ADAMTS3: variants seen among roughly 807,000 people sequenced by gnomAD.
The protein encoded by ADAMTS3 is A disintegrin and metalloproteinase with thrombospondin motifs 3.
In ADAMTS3, 73 loss-of-function variants were observed where a neutral mutation model predicts 129.0. The ratio of observed to expected loss-of-function variants is 0.57; its 90% CI spans 0.47 to 0.69. The LOEUF (loss-of-function observed/expected upper bound fraction) is 0.69, where lower values mean the gene tolerates loss of function less well. Among genes scored for constraint, ADAMTS3 ranks in the 30% least tolerant of loss-of-function variants. ADAMTS3 has a pLI of 0.00. For synonymous variants in ADAMTS3, 477 were observed against 510.8 expected (o/e 0.93, Z 0.89); for missense variants, 1,457 against 1,514.5 (o/e 0.96, Z 0.63).
At chr4:72,470,443 A>G in intron 3 of ADAMTS3, among the ~76,000 whole-genome samples, 1 of 150,572 alleles carries the variant, frequency 6.6e-6, no homozygotes, top group East Asian at 1.9e-4. Flanking sequence ...CATGTATAAT[A>G]TATATACACT....
Position 72,443,712 on chromosome 4 carries a change from A to T in ADAMTS3, c.505-28741T>A, listed in dbSNP as rs138967833. On this transcript the variant is annotated intron_variant, in intron 3 of 21. Coordinates refer to ENST00000286657, the MANE Select transcript of ADAMTS3 (RefSeq NM_014243.3). ...CGAATGGAAAAAAAAAAAATGGTACAAGAAACCTCATTTGCATTCCCATTT... is the reference window on the plus strand; with the variant it reads ...CGAATGGAAAAAAAAAAAATGGTACTAGAAACCTCATTTGCATTCCCATTT... Among the ~76,000 whole-genome samples, 9 of 151,528 alleles carry T rather than the reference A, an allele frequency of 5.9e-5. No individual in the cohort carries two copies. In the Middle Eastern group the frequency reaches 0.014, roughly 231 times the overall value.
chr4:72,418,880 C>A (rs1722375118), intron 3 of ADAMTS3, among the ~76,000 whole-genome samples: 1 of 152,180 alleles, frequency 6.6e-6, no homozygotes, highest in Admixed American at 6.5e-5. Context: ...CTCAAGTTTG[C>A]CATTCTCAGT....
chr4:72,528,492 ATTG>A (rs1720872711), intron 3 of ADAMTS3, among the ~76,000 whole-genome samples: 1 of 150,362 alleles, frequency 6.7e-6, no homozygotes. Flanking sequence ...AATATATGCA[ATTG>A]TTGTTTGTCA....
intron 2 of ADAMTS3, among the ~76,000 whole-genome samples, chr4:72,562,637 A>G (rs1262561188): frequency 6.6e-6 from 1 of 152,198 alleles, no homozygotes; most frequent in Non-Finnish European, 1.5e-5. Context: ...AACATGCTAA[A>G]TTATAACAGC....
chr4:72,329,168 C>G (rs1376171599), intron 5 of ADAMTS3, among the ~76,000 whole-genome samples: 1 of 151,872 alleles, frequency 6.6e-6, no homozygotes, highest in Non-Finnish European at 1.5e-5. Context: ...TTGGGCAAAA[C>G]AGCCTATAAG....
chr4:72,366,593 G>A (rs1720874733), intron 4 of ADAMTS3, among the ~76,000 whole-genome samples: 1 of 151,938 alleles, frequency 6.6e-6, no homozygotes, highest in African/African-American at 2.4e-5. Flanking sequence ...ATTATTATAT[G>A]CCATATCTAA....
chr4:72,348,735 C>T (rs1023364067), intron 4 of ADAMTS3, among the ~76,000 whole-genome samples: 1 of 151,456 alleles, frequency 6.6e-6, no homozygotes, highest in Non-Finnish European at 1.5e-5. Context: ...GTTTGATGTA[C>T]CATTGCTGGC....
At chr4:72,554,066 C>G (rs1261129759) in intron 2 of ADAMTS3, among the ~76,000 whole-genome samples, 6 of 152,122 alleles carry the variant, frequency 3.9e-5, no homozygotes, top group African/African-American at 1.4e-4. Context: ...AGGGAATTCT[C>G]TTTTATCTAA....
intron 4 of ADAMTS3, among the ~76,000 whole-genome samples, chr4:72,379,202 G>A (rs953738801): frequency 3.8e-4 from 58 of 152,032 alleles, no homozygotes; most frequent in African/African-American, 1.2e-3. Context: ...TATTCAGGGC[G>A]TGTACACCTA....
In ADAMTS3 at chr4:72,313,790, A is replaced by G. The variant is rs1719312297; in HGVS notation, c.1632T>C (p.Asn544=). 1 of 1,613,720 alleles carries G rather than the reference A, an allele frequency of 6.2e-7. No homozygotes were observed. The highest frequency in any genetic ancestry group is 8.5e-7 in the Non-Finnish European group (1 of 1,179,840). The part of the protein sequence containing the change: ...WCYKGHCMWK[N]ANQQKQDGNW... The stretch of plus-strand genomic sequence containing the variant: ...TGCCATCTTGTTTTTGCTGATTAGC[A>G]TTCTTCCACATGCAATGACCCTTAT... Residue 544 remains asparagine (N), a synonymous_variant, in exon 12 of 22, where the codon AAT becomes AAC. Transcript: ENST00000286657.
chr4:72,538,854 A>G lies in ADAMTS3; in HGVS notation c.504+9624T>C, dbSNP rs76434764. Reference sequence around the variant, plus strand: ...GAATAGAATAGAAAGTCCAGAAATAAATTGTTGCATATATGGTCAAATGAT... The same window carrying G: ...GAATAGAATAGAAAGTCCAGAAATAGATTGTTGCATATATGGTCAAATGAT... On this transcript the variant is annotated intron_variant, in intron 3 of 21. Transcript: ENST00000286657. Among the ~76,000 whole-genome samples the G allele has an allele frequency of 4.0e-3, 613 of 152,254 alleles. 8 individuals carry two copies. Among genetic ancestry groups the G allele is most frequent in the African/African-American group, 0.014 (594 of 41,556 alleles).
At chr4:72,358,293 T>C (rs1034614389) in intron 4 of ADAMTS3, among the ~76,000 whole-genome samples, 7 of 151,956 alleles carry the variant, frequency 4.6e-5, no homozygotes, top group Non-Finnish European at 8.8e-5. Flanking sequence ...ATTCCAGCTA[T>C]CCTTAAGAGA....
chr4:72,524,487 T>C (rs755387461), intron 3 of ADAMTS3, among the ~76,000 whole-genome samples: 197 of 152,250 alleles, frequency 1.3e-3, no homozygotes, highest in Middle Eastern at 3.4e-3. Flanking sequence ...CTAGGCACTA[T>C]ACTAAGTGTT....
intron 17 of ADAMTS3, 75 bp from the exon 18 acceptor site, chr4:72,298,517 A>T: frequency 2.6e-6 from 3 of 1,160,956 alleles, no homozygotes; most frequent in Non-Finnish European, 3.6e-6. Flanking sequence ...CAAATATTTC[A>T]GAATATTGCT....
chr4:72,538,476 A>G (rs1054062968), intron 3 of ADAMTS3, among the ~76,000 whole-genome samples: 2 of 152,036 alleles, frequency 1.3e-5, no homozygotes, highest in African/African-American at 4.8e-5. Flanking sequence ...GAGGCAGTGG[A>G]CTGATATATT....
chr4:72,568,981 C>G lies in ADAMTS3; in HGVS notation c.-219G>C, dbSNP rs748565909. ...AGTTTTTTCCACTTCACCTTCTCAC[C>G]CCGTCCTCCCAACACAGAGTGTGCA... On this transcript the variant is annotated 5_prime_UTR_variant, in exon 1 of 22. Coordinates refer to ENST00000286657, the MANE Select transcript of ADAMTS3 (RefSeq NM_014243.3). 2 of 600,506 alleles carry G rather than the reference C, an allele frequency of 3.3e-6. No individual in the cohort carries two copies. Among genetic ancestry groups the G allele is most frequent in the Non-Finnish European group, 5.9e-6 (2 of 336,420 alleles). The allele number at this position is 600,506 out of a possible 1,614,324, so 37.2% of individuals were successfully genotyped here.
chr4:72,342,012 C>T (rs548807430), intron 4 of ADAMTS3, among the ~76,000 whole-genome samples: 41 of 152,230 alleles, frequency 2.7e-4, no homozygotes, highest in African/African-American at 8.2e-4. Flanking sequence ...TGTGAAATAC[C>T]TTCATTCATA....
chr4:72,565,722 A>C (rs1421913955), intron 2 of ADAMTS3, among the ~76,000 whole-genome samples: 3 of 152,208 alleles, frequency 2.0e-5, no homozygotes, highest in African/African-American at 7.2e-5. Context: ...ATACTGACTT[A>C]TCTCTCCTCT....
intron 3 of ADAMTS3, among the ~76,000 whole-genome samples, chr4:72,546,713 T>C (rs893403564): frequency 2.0e-5 from 3 of 152,070 alleles, no homozygotes; most frequent in South Asian, 2.1e-4. Context: ...TTTTGGCAAA[T>C]TGTAGACCAC....
Sources: allele counts gnomAD v4.1 joint callset (sites outside exome capture counted in the v4.1 genomes callset), GRCh38; gene constraint gnomAD v4.1.1; transcripts MANE v1.5; gene names NCBI Gene and HGNC (gene_info 2026-07-23, HGNC 2026-07-21).